Variants in PCDH9 observed in about 807,000 individuals in gnomAD.
PCDH9 encodes the protein protocadherin 9.
In PCDH9, 24 loss-of-function variants were observed where a neutral mutation model predicts 70.6. The ratio of observed to expected loss-of-function variants is 0.34; its 90% confidence interval spans 0.25 to 0.48. The LOEUF (loss-of-function observed/expected upper bound fraction) is 0.48. Ranked by LOEUF, PCDH9 falls within the 20% of genes least tolerant of loss-of-function variation. The pLI is 0.99. For missense variants in PCDH9, 1,281 were observed against 1,503.6 expected (o/e 0.85, Z 2.45); for synonymous variants, 562 against 558.5 (o/e 1.01, Z -0.09).
intron 4 of PCDH9, among the ~76,000 whole-genome samples, chr13:66,628,470 C>T (rs1053810807): frequency 2.0e-5 from 3 of 152,096 alleles, no homozygotes; most frequent in African/African-American, 4.8e-5. Context: ...AAAACATAAA[C>T]CAAATTTTTA....
At chr13:66,606,997 G>A (rs1232046890) in intron 4 of PCDH9, among the ~76,000 whole-genome samples, 1 of 151,672 alleles carries the variant, frequency 6.6e-6, no homozygotes, top group East Asian at 1.9e-4. Flanking sequence ...ATGGCTAATC[G>A]GAGATTTCTG....
intron 2 of PCDH9, among the ~76,000 whole-genome samples, chr13:67,043,952 C>A (rs2085172751): frequency 6.6e-6 from 1 of 152,102 alleles, no homozygotes; most frequent in African/African-American, 2.4e-5. Context: ...AAACTTCAAA[C>A]CTGGTCATTG....
At chr13:67,009,941 C>T (rs910692035) in intron 2 of PCDH9, among the ~76,000 whole-genome samples, 7 of 151,960 alleles carry the variant, frequency 4.6e-5, no homozygotes, top group African/African-American at 1.7e-4. Flanking sequence ...ATGTAAGGAG[C>T]ATGTGACTGT....
intron 4 of PCDH9, among the ~76,000 whole-genome samples, chr13:66,374,915 T>C (rs1344628732): frequency 6.6e-6 from 1 of 152,074 alleles, no homozygotes; most frequent in Non-Finnish European, 1.5e-5. Flanking sequence ...ATGTTCTCAT[T>C]GAGGACAATT....
chr13:67,193,676 T>G (rs2138028327), intron 2 of PCDH9, among the ~76,000 whole-genome samples: 1 of 152,234 alleles, frequency 6.6e-6, no homozygotes, highest in South Asian at 2.1e-4. Context: ...TCTTAATTAC[T>G]TCCTTCTAAG....
chr13:66,968,850 T>C (rs1364395131), intron 2 of PCDH9, among the ~76,000 whole-genome samples: 1 of 152,020 alleles, frequency 6.6e-6, no homozygotes, highest in African/African-American at 2.4e-5. Context: ...TTTAGTGTGC[T>C]ATTCACATTT....
chr13:66,883,334 A>T (rs546657830), intron 3 of PCDH9, among the ~76,000 whole-genome samples: 1 of 152,268 alleles, frequency 6.6e-6, no homozygotes, highest in Admixed American at 6.5e-5. Flanking sequence ...ACAGTGTCAC[A>T]GGTGTGTTGC....
chr13:67,214,935 G>GAGAT (rs1555321189), intron 2 of PCDH9: 5 of 89,248 alleles, frequency 5.6e-5, no homozygotes, highest in Non-Finnish European at 1.2e-4. Flanking sequence ...TTGCGAGCCA[G>GAGAT]ATATATATAT....
At chr13:66,591,808 G>C (rs116645951) in intron 4 of PCDH9, among the ~76,000 whole-genome samples, 1,645 of 151,484 alleles carry the variant, frequency 0.011, 39 homozygotes, top group African/African-American at 0.038. Context: ...AGGTTGGGAG[G>C]GGGGGCTCAT....
chr13:66,986,231 C>A (rs1381866548), intron 2 of PCDH9, among the ~76,000 whole-genome samples: 1 of 151,940 alleles, frequency 6.6e-6, no homozygotes, highest in Non-Finnish European at 1.5e-5. Flanking sequence ...CTCACTATCA[C>A]AAGAACAGCA....
chr13:66,467,664 C>T (rs147684015), intron 4 of PCDH9, among the ~76,000 whole-genome samples: 33 of 152,112 alleles, frequency 2.2e-4, no homozygotes, highest in African/African-American at 5.8e-4. Context: ...AATTATCCCA[C>T]AGTCCAGTAC....
rs1359357463 is a variant in PCDH9 at position 66,631,122 on chromosome 13, C to T, written c.3340+88G>A. On this transcript the variant is annotated intron_variant, in intron 4 of 4. Coordinates refer to ENST00000377865, the MANE Select transcript of PCDH9 (RefSeq NM_203487.3). ...AGCAAAAAAATAACTAAATGTTCAT[C>T]CTTGCCCCCTACAATTATTTTTGAA... The T allele has an allele frequency of 6.9e-6, 5 of 721,960 alleles. No individual in the cohort carries two copies. In the Admixed American group the frequency reaches 8.0e-5, roughly 12 times the overall value. 44.7% of individuals were successfully genotyped at this position (721,960 alleles called of 1,614,324 possible). A position where few individuals can be genotyped will look rare whatever the true frequency, so the allele number is the denominator to read the frequency against.
chr13:66,999,070 A>G (rs1566352433), intron 2 of PCDH9, among the ~76,000 whole-genome samples: 1 of 152,180 alleles, frequency 6.6e-6, no homozygotes, highest in Non-Finnish European at 1.5e-5. Context: ...TCCCTAGCCA[A>G]TCATCCTTTA....
intron 3 of PCDH9, among the ~76,000 whole-genome samples, chr13:66,896,436 C>T (rs1012935966): frequency 6.6e-6 from 1 of 151,660 alleles, no homozygotes; most frequent in African/African-American, 2.4e-5. Context: ...CCCAGAACTT[C>T]AAGTATAATT....
intron 3 of PCDH9, among the ~76,000 whole-genome samples, chr13:66,858,392 A>G (rs2081429241): frequency 6.6e-6 from 1 of 152,180 alleles, no homozygotes; most frequent in Non-Finnish European, 1.5e-5. Context: ...AATTCGTTAG[A>G]TGACATACAA....
At position 66,763,017 on chromosome 13, in the gene PCDH9, A is replaced by G. The variant is rs1421513094; in HGVS notation, c.3139-131606T>C. ...TTGCCTAGGCTGGAATGCAATAGCT[A>G]TTGGAAGGTTCAACAATAGTGCACT... On this transcript the variant is annotated intron_variant, in intron 3 of 4. Transcript: ENST00000377865. Among the ~76,000 whole-genome samples the G allele has an allele frequency of 2.0e-5, 3 of 151,864 alleles. No homozygotes were observed. The East Asian group carries it at 5.8e-4, about 29-fold the overall frequency.
At chr13:66,593,989 G>A (rs2077070477) in intron 4 of PCDH9, among the ~76,000 whole-genome samples, 2 of 151,174 alleles carry the variant, frequency 1.3e-5, no homozygotes, top group African/African-American at 2.4e-5. Context: ...GTGGTGTTTT[G>A]GACAACACGT....
Position 67,041,295 on chromosome 13 carries a change from T to C in PCDH9, c.3037-137690A>G, listed in dbSNP as rs188406285. Among the ~76,000 whole-genome samples the C allele has an allele frequency of 3.5e-3, 538 of 152,266 alleles. 5 individuals carry two copies. The highest frequency in any genetic ancestry group is 0.012 in the African/African-American group (517 of 41,554). On this transcript the variant is annotated intron_variant, in intron 2 of 4. Coordinates refer to ENST00000377865, the MANE Select transcript of PCDH9 (RefSeq NM_203487.3). ...AATTGTTTATTTCTGGAATTTTCCA[T>C]AAACATTTTCAGACCATAGTTCACT...
chr13:67,010,408 TTCTC>T (rs1302486298), intron 2 of PCDH9, among the ~76,000 whole-genome samples: 1 of 151,986 alleles, frequency 6.6e-6, no homozygotes, highest in Non-Finnish European at 1.5e-5. Context: ...ATCATTTTTC[TTCTC>T]TCTATTGCCT....
Sources: allele counts gnomAD v4.1 joint callset (sites outside exome capture counted in the v4.1 genomes callset), GRCh38; gene constraint gnomAD v4.1.1; transcripts MANE v1.5; gene names NCBI Gene and HGNC (gene_info 2026-07-23, HGNC 2026-07-21).